COL4A1: variants seen among roughly 807,000 people sequenced by gnomAD.
The protein encoded by COL4A1 is collagen type IV alpha 1 chain.
Under a neutral mutation model 216.6 loss-of-function variants are expected in COL4A1, and 40 were observed. The observed-to-expected ratio is 0.18, with a 90% CI of 0.14 to 0.24. The LOEUF (loss-of-function observed/expected upper bound fraction) is 0.24, where lower values mean the gene tolerates loss of function less well. Ranked by LOEUF, COL4A1 falls within the 10% of genes least tolerant of loss-of-function variation. The pLI is 1.00. For missense variants in COL4A1, 1,628 were observed against 2,196.8 expected (o/e 0.74, Z 5.18); for synonymous variants, 839 against 810.7 (o/e 1.03, Z -0.59).
chr13:110,278,649 T>C (rs1464123864), intron 1 of COL4A1, among the ~76,000 whole-genome samples: 1 of 152,196 alleles, frequency 6.6e-6, no homozygotes, highest in Non-Finnish European at 1.5e-5. Context: ...TTTCCACACA[T>C]AGTAAATGCT....
At chr13:110,252,472 A>ACGTATATTATATATACGTATAATTATACG in intron 1 of COL4A1, among the ~76,000 whole-genome samples, 1 of 25,730 alleles carries the variant, frequency 3.9e-5, no homozygotes, top group African/African-American at 1.3e-4. Flanking sequence ...ATATAATTAT[A>ACGTATATTATATATACGTATAATTATACG]TGTATTATAT....
intron 2 of COL4A1, among the ~76,000 whole-genome samples, chr13:110,229,676 C>T (rs578147245): frequency 1.7e-3 from 257 of 152,284 alleles, no homozygotes; most frequent in African/African-American, 5.9e-3. Context: ...AGAGAGCCCC[C>T]GCCCTCGCGC....
At chr13:110,240,766 G>C (rs963605722) in intron 2 of COL4A1, among the ~76,000 whole-genome samples, 8 of 152,152 alleles carry the variant, frequency 5.3e-5, no homozygotes, top group African/African-American at 1.7e-4. Flanking sequence ...CAGTTGACAG[G>C]TAGGGAAGGC....
chr13:110,294,468 C>T (rs148713729), intron 1 of COL4A1, among the ~76,000 whole-genome samples: 9 of 152,234 alleles, frequency 5.9e-5, no homozygotes, highest in Non-Finnish European at 1.0e-4. Flanking sequence ...TGGTTTCATC[C>T]ACTCTAAACC....
At chr13:110,302,872 A>C (rs1884549801) in intron 1 of COL4A1, among the ~76,000 whole-genome samples, 1 of 152,156 alleles carries the variant, frequency 6.6e-6, no homozygotes, top group Non-Finnish European at 1.5e-5. Flanking sequence ...GCTTGAGCTG[A>C]CTCTAGCCCA....
chr13:110,226,524 C>T (rs543821842), intron 2 of COL4A1, among the ~76,000 whole-genome samples: 107 of 152,316 alleles, frequency 7.0e-4, no homozygotes, highest in Admixed American at 1.2e-3. Context: ...ATTAATCATA[C>T]TTGGAATCTA....
At chr13:110,214,391 G>T (rs487334) in intron 2 of COL4A1, among the ~76,000 whole-genome samples, 1 of 151,992 alleles carries the variant, frequency 6.6e-6, no homozygotes, top group African/African-American at 2.4e-5. Context: ...CGCCTGGCCC[G>T]TGATGCCTAA....
intron 2 of COL4A1, among the ~76,000 whole-genome samples, chr13:110,217,128 T>A (rs1347427058): frequency 6.6e-6 from 1 of 152,230 alleles, no homozygotes; most frequent in East Asian, 1.9e-4. Flanking sequence ...TAATACTCTG[T>A]ACCCTGTCCA....
chr13:110,208,425 C>T (rs557013906), intron 12 of COL4A1, among the ~76,000 whole-genome samples: 7 of 152,248 alleles, frequency 4.6e-5, no homozygotes, highest in South Asian at 2.1e-4. Flanking sequence ...GAAGAGAGGC[C>T]GGTGGTGAGG....
intron 22 of COL4A1, among the ~76,000 whole-genome samples, chr13:110,193,400 C>T (rs1001642812): frequency 6.6e-6 from 1 of 152,174 alleles, no homozygotes; most frequent in African/African-American, 2.4e-5. Context: ...ATATGTGATC[C>T]AGGACAGAAG....
chr13:110,254,078 C>T (rs767819954), intron 1 of COL4A1, among the ~76,000 whole-genome samples: 3 of 152,150 alleles, frequency 2.0e-5, no homozygotes, highest in Admixed American at 6.5e-5. Context: ...CACCCACAAC[C>T]TTTACTGCAC....
intron 42 of COL4A1, 76 bp from the exon 43 acceptor site, chr13:110,169,838 C>T (rs1168943522): frequency 1.9e-6 from 3 of 1,585,496 alleles, no homozygotes; most frequent in African/African-American, 1.3e-5. Flanking sequence ...GCTATCAATA[C>T]TGCCACCCAC....
At chr13:110,191,212 T>C (rs1433309485) in intron 24 of COL4A1, 2 of 153,454 alleles carry the variant, frequency 1.3e-5, no homozygotes, top group Non-Finnish European at 2.9e-5. Context: ...GATTGCTGAA[T>C]TCCAGCTGGG....
rs190842440 is a variant in COL4A1, at chr13:110,221,144, T to G, written c.145-7129A>C. ...TAGGCTCAAGTATTCTAATATGAAT[T>G]TTAACATTCACTATGAAGTTGACTG... On this transcript the variant is annotated intron_variant, in intron 2 of 51. Transcript: ENST00000375820. Among the ~76,000 whole-genome samples, 29 of 152,332 alleles carry G rather than the reference T, an allele frequency of 1.9e-4. No individual in the cohort carries two copies. In the East Asian group the frequency reaches 5.6e-3, roughly 29 times the overall value.
chr13:110,203,475 T>C, intron 18 of COL4A1, 91 bp downstream of exon 18: 2 of 1,454,280 alleles, frequency 1.4e-6, no homozygotes, highest in Non-Finnish European at 1.9e-6. Context: ...CAGGGTCCTC[T>C]CCTTCCTCCC....
chr13:110,170,530 T>A lies in COL4A1; in HGVS notation c.3742+17A>T. On this transcript the variant is annotated intron_variant, in intron 42 of 51. Coordinates refer to ENST00000375820, the MANE Select transcript of COL4A1 (RefSeq NM_001845.6). Reference sequence around the variant, plus strand: ...TGTCCCAGTCCTCAGCCCTGGCCCCTGGCGAGATGCCCTTACCTGGCAGGC... The same window carrying A: ...TGTCCCAGTCCTCAGCCCTGGCCCCAGGCGAGATGCCCTTACCTGGCAGGC... 1 of 1,586,958 alleles carries A rather than the reference T, an allele frequency of 6.3e-7. No individual in the cohort carries two copies. Among genetic ancestry groups the A allele is most frequent in the Non-Finnish European group, 8.6e-7 (1 of 1,165,962 alleles).
chr13:110,297,252 T>G (rs929096779), intron 1 of COL4A1, among the ~76,000 whole-genome samples: 1 of 152,162 alleles, frequency 6.6e-6, no homozygotes, highest in Non-Finnish European at 1.5e-5. Flanking sequence ...AGTCAACTCA[T>G]TAACATACAA....
At chr13:110,274,331 C>T (rs1883357001) in intron 1 of COL4A1, among the ~76,000 whole-genome samples, 2 of 152,196 alleles carry the variant, frequency 1.3e-5, no homozygotes, top group African/African-American at 4.8e-5. Context: ...TGCAGTAACT[C>T]CACCTTTAGG....
chr13:110,289,486 C>T (rs1311832973), intron 1 of COL4A1, among the ~76,000 whole-genome samples: 1 of 152,132 alleles, frequency 6.6e-6, no homozygotes, highest in Non-Finnish European at 1.5e-5. Flanking sequence ...GTTACTATTC[C>T]TGTCTACCTT....
Sources: allele counts gnomAD v4.1 joint callset (sites outside exome capture counted in the v4.1 genomes callset), GRCh38; gene constraint gnomAD v4.1.1; transcripts MANE v1.5; gene names NCBI Gene and HGNC (gene_info 2026-07-23, HGNC 2026-07-21).